AK3: variants seen among roughly 807,000 people sequenced by gnomAD.
AK3 encodes GTP:AMP phosphotransferase AK3, mitochondrial.
In AK3, 27 loss-of-function variants were observed where a neutral mutation model predicts 23.7. The observed-to-expected ratio is 1.14, with a 90% CI of 0.84 to 1.57. The LOEUF is 1.57. Among genes scored for constraint, AK3 ranks in the 40% most tolerant of loss-of-function variants. AK3 has a pLI of 0.00. For missense variants in AK3, 406 were observed against 285.6 expected (o/e 1.42, Z -3.04); for synonymous variants, 159 against 116.0 (o/e 1.37, Z -2.38).
chr9:4,720,730 A>G (rs547857877), intron 2 of AK3, among the ~76,000 whole-genome samples: 1 of 151,938 alleles, frequency 6.6e-6, no homozygotes, highest in Admixed American at 6.6e-5. Context: ...GCACATGCAT[A>G]ATTTGTTAGA....
intron 1 of AK3, among the ~76,000 whole-genome samples, chr9:4,739,312 TC>T (rs753873837): frequency 2.6e-5 from 4 of 151,612 alleles, no homozygotes; most frequent in African/African-American, 7.3e-5. Flanking sequence ...CTCCTCAGCC[TC>T]CCGAGTAGCT....
At chr9:4,725,355 TCACTATGCATTAGG>T (rs2130892235) in intron 1 of AK3, among the ~76,000 whole-genome samples, 1 of 152,118 alleles carries the variant, frequency 6.6e-6, no homozygotes, top group African/African-American at 2.4e-5. Context: ...TAAATCTTCA[TCACTATGCATTAGG>T]CAATGGTTTC....
In AK3 at chr9:4,711,668, T is replaced by A. The variant is rs1406019609; in HGVS notation, c.*1308A>T. 1.3e-5 allele frequency: 2 copies of A among 152,228 alleles called. No homozygotes were observed. The highest frequency in any genetic ancestry group is 2.9e-5 in the Non-Finnish European group (2 of 68,038). 9.4% of individuals were successfully genotyped at this position (152,228 alleles called of 1,614,324 possible). A position where few individuals can be genotyped will look rare whatever the true frequency, so the allele number is the denominator to read the frequency against. On this transcript the variant is annotated 3_prime_UTR_variant, in exon 5 of 5. Transcript: ENST00000381809. ...AAGTAAAGTAAGAGTAAATATGCCA[T>A]GGAAGACATAATCAAGTTTTTCCTC...
intron 1 of AK3, among the ~76,000 whole-genome samples, chr9:4,724,360 T>G (rs1481871023): frequency 6.6e-6 from 1 of 152,116 alleles, no homozygotes; most frequent in Non-Finnish European, 1.5e-5. Context: ...CAAGCCCTCT[T>G]CTAAATCCGA....
intron 1 of AK3, among the ~76,000 whole-genome samples, chr9:4,731,965 T>C (rs1169456306): frequency 6.6e-6 from 1 of 152,192 alleles, no homozygotes; most frequent in Non-Finnish European, 1.5e-5. Flanking sequence ...ATTTTCTTTT[T>C]TAGAGACATG....
intron 1 of AK3, among the ~76,000 whole-genome samples, chr9:4,728,862 T>TACACACACACACAC (rs1315242329): frequency 2.2e-4 from 16 of 71,470 alleles, no homozygotes; most frequent in South Asian, 5.1e-4. Context: ...TATATATATA[T>TACACACACACACAC]ATATACACAC....
chr9:4,711,223 G>C lies in AK3; in HGVS notation c.*1753C>G, dbSNP rs1430390899. On this transcript the variant is annotated 3_prime_UTR_variant, in exon 5 of 5. Transcript: ENST00000381809. ...CATTGAGACATCAGGCAGCAGAAAG[G>C]AAGGTGGGATGGAGCAGGCCCTGTG... 1 of 152,660 alleles carries C rather than the reference G, an allele frequency of 6.6e-6. No homozygotes were observed. The highest frequency in any genetic ancestry group is 2.4e-5 in the African/African-American group (1 of 41,460). The allele number at this position is 152,660 out of a possible 1,614,324, so 9.5% of individuals were successfully genotyped here.
At position 4,710,732 on chromosome 9, in the gene AK3, C is replaced by G. The variant is rs1031830065; in HGVS notation, c.*2244G>C. 1 of 149,784 alleles carries G rather than the reference C, an allele frequency of 6.7e-6. No homozygotes were observed. The highest frequency in any genetic ancestry group is 1.5e-5 in the Non-Finnish European group (1 of 66,906). The allele number at this position is 149,784 out of a possible 1,614,324, so 9.3% of individuals were successfully genotyped here. ...CAGGAGACTAGCCTGGGCAACATAT[C>G]GAGACGCCGTCTCTACAAAAAAATA... is the stretch of plus-strand genomic sequence containing the variant. On this transcript the variant is annotated 3_prime_UTR_variant, in exon 5 of 5. Transcript: ENST00000381809.
chr9:4,728,910 T>C (rs1842084007), intron 1 of AK3, among the ~76,000 whole-genome samples: 1 of 147,530 alleles, frequency 6.8e-6, no homozygotes, highest in African/African-American at 2.5e-5. Context: ...TACTTATATA[T>C]ATACATACAT....
At chr9:4,739,659 C>T (rs192613457) in intron 1 of AK3, among the ~76,000 whole-genome samples, 1 of 152,106 alleles carries the variant, frequency 6.6e-6, no homozygotes, top group Admixed American at 6.6e-5. Flanking sequence ...TGGCCGGGCG[C>T]GGTGGCTCAC....
chr9:4,722,523 T>C lies in AK3; in HGVS notation c.254A>G (p.Tyr85Cys), dbSNP rs1841925399. The part of the protein sequence containing the change: ...ALHELKNLTQ[Y>C]SWLLDGFPRT... ...CCACTTACCATCCAACAGCCAGCTA[T>C]ACTGGGTGAGATTTTTCAGCTCATG... is the stretch of plus-strand genomic sequence containing the variant. The change falls in exon 2 of 5, where the codon TAT (tyrosine) becomes TGT (cysteine). Residue 85 changes from tyrosine to cysteine, a missense_variant. Tyr to Cys is a radical substitution (Grantham distance 194). Coordinates refer to ENST00000381809, the MANE Select transcript of AK3 (RefSeq NM_016282.4). The C allele has an allele frequency of 3.7e-6, 6 of 1,614,056 alleles. No individual in the cohort carries two copies. The highest frequency in any genetic ancestry group is 1.6e-4 in the Middle Eastern group (1 of 6,084).
chr9:4,741,337 C>CAGCCGCGCA (rs141585773), upstream of AK3: 180 of 344,288 alleles, frequency 5.2e-4, 1 homozygote, highest in East Asian at 5.6e-3. Context: ...TGTTCCCGCC[C>CAGCCGCGCA]AGCCGCGCAA....
chr9:4,741,301 G>C, upstream of AK3: 2 of 433,392 alleles, frequency 4.6e-6, no homozygotes, highest in Non-Finnish European at 7.7e-6. Flanking sequence ...CTACCCCGGC[G>C]CACCCCCCGC....
upstream of AK3, chr9:4,741,346 A>C (rs113400084): frequency 9.2e-6 from 1 of 108,466 alleles, no homozygotes; most frequent in East Asian, 9.6e-5. Context: ...CCAGCCGCGC[A>C]AGCCGCGCAA....
intron 1 of AK3, among the ~76,000 whole-genome samples, chr9:4,730,798 G>T (rs534914993): frequency 6.6e-6 from 1 of 152,138 alleles, no homozygotes; most frequent in Non-Finnish European, 1.5e-5. Flanking sequence ...TTTGTGTGAT[G>T]AGAAAGAATT....
At chr9:4,740,654 T>C (rs1269558105) in intron 1 of AK3, among the ~76,000 whole-genome samples, 1 of 152,130 alleles carries the variant, frequency 6.6e-6, no homozygotes, top group Non-Finnish European at 1.5e-5. Flanking sequence ...GACTTGGGCC[T>C]CTGAAACAAA....
intron 1 of AK3, among the ~76,000 whole-genome samples, chr9:4,727,480 C>T (rs966529389): frequency 1.3e-5 from 2 of 152,212 alleles, no homozygotes; most frequent in African/African-American, 4.8e-5. Context: ...CCAACCTCTG[C>T]TAGCTTCAAA....
intron 1 of AK3, among the ~76,000 whole-genome samples, chr9:4,739,981 G>T (rs1216256428): frequency 6.9e-6 from 1 of 145,728 alleles, no homozygotes; most frequent in East Asian, 2.0e-4. Context: ...GTTCCCCTCC[G>T]AAGAATGGGA....
At chr9:4,717,293 C>T (rs1363833983) in intron 4 of AK3, among the ~76,000 whole-genome samples, 4 of 152,190 alleles carry the variant, frequency 2.6e-5, no homozygotes, top group African/African-American at 9.7e-5. Context: ...CTGTAAGAAG[C>T]AGGAAGGCTC....
Sources: allele counts gnomAD v4.1 joint callset (sites outside exome capture counted in the v4.1 genomes callset), GRCh38; gene constraint gnomAD v4.1.1; transcripts MANE v1.5; gene names NCBI Gene and HGNC (gene_info 2026-07-23, HGNC 2026-07-21).